SESN3: variants seen among roughly 807,000 people sequenced by gnomAD.
SESN3 encodes the protein sestrin-3.
In SESN3, 21 loss-of-function variants were observed where a neutral mutation model predicts 55.3. That is an observed-to-expected ratio of 0.38 (90% CI 0.27 to 0.55). SESN3 has a LOEUF of 0.55. Among genes scored for constraint, SESN3 ranks in the 20% least tolerant of loss-of-function variants. The pLI is 0.76. For synonymous variants in SESN3, 181 were observed against 203.1 expected (o/e 0.89, Z 0.93); for missense variants, 408 against 604.3 (o/e 0.68, Z 3.41).
Position 95,169,194 on chromosome 11 carries a change from G to C in SESN3, c.*4061C>G, listed in dbSNP as rs1859805083. 1 of 152,282 alleles carries C rather than the reference G, an allele frequency of 6.6e-6. No homozygotes were observed. The highest frequency in any genetic ancestry group is 2.1e-4 in the South Asian group (1 of 4,828). The allele number at this position is 152,282 out of a possible 1,614,324, so 9.4% of individuals were successfully genotyped here. On this transcript the variant is annotated 3_prime_UTR_variant, in exon 10 of 10. Coordinates refer to ENST00000536441, the MANE Select transcript of SESN3 (RefSeq NM_144665.4). ...AGTGGGCATATAAGTTCTGTTGACT[G>C]AGATAAATACATTCATGTTACAGTA... is the stretch of plus-strand genomic sequence containing the variant.
Position 95,230,460 on chromosome 11 carries a change from C to A in SESN3, c.78+323G>T. ...GGAGGAGGATCGAACGGATCCCTCC[C>A]GCCCTCCGCCCAAGGAGCCGACCCG... On this transcript the variant is annotated intron_variant, in intron 1 of 9. Coordinates refer to ENST00000536441, the MANE Select transcript of SESN3 (RefSeq NM_144665.4). The surrounding 1 kb of genome is among the most constrained non-coding windows in gnomAD (Gnocchi z 4.6). 3.1e-6 allele frequency: 1 copy of A among 321,010 alleles called. No homozygotes were observed. The highest frequency in any genetic ancestry group is 5.8e-6 in the Non-Finnish European group (1 of 172,784). The allele number at this position is 321,010 out of a possible 1,614,324, so 19.9% of individuals were successfully genotyped here.
chr11:95,190,133 A>G (rs1860239464), intron 3 of SESN3, among the ~76,000 whole-genome samples, 172 bp from the exon 4 acceptor site: 1 of 151,974 alleles, frequency 6.6e-6, no homozygotes. Context: ...GATTCAATAC[A>G]TGAAGCTGAT....
rs778342525 is a variant in SESN3, at chr11:95,185,321, A to T, written c.697T>A (p.Cys233Ser). Residue 233 changes from cysteine to serine, a missense_variant, in exon 5 of 10, where the codon TGC becomes AGC. Around this residue, in one of 4 missense-constraint regions of SESN3, gnomAD observed 119 missense variants for 139.9 expected, o/e 0.85. Transcript: ENST00000536441. ...TTGTCATTAGCAAGATCACAAACGC[A>T]GAAATTGTTGACTGATATTAGCCTG... ...GFRLISVNNF[C>S]VCDLANDNNI... The T allele has an allele frequency of 1.9e-6, 3 of 1,612,978 alleles. No individual in the cohort carries two copies. The highest frequency in any genetic ancestry group is 1.3e-5 in the African/African-American group (1 of 74,710).
rs781304580 is a variant in SESN3 at position 95,173,118 on chromosome 11, CAAAA to C, written c.*133_*136del. On this transcript the variant is annotated 3_prime_UTR_variant, in exon 10 of 10. Coordinates refer to ENST00000536441, the MANE Select transcript of SESN3 (RefSeq NM_144665.4). Reference sequence around the variant, plus strand: ...CATTGCACATTACAGCCGCAAAAAACAAAAAAAAAAAAACAAACGGCTAAACTTT... The same window carrying C: ...CATTGCACATTACAGCCGCAAAAAACAAAAAAAAACAAACGGCTAAACTTT... The C allele has an allele frequency of 2.4e-6, 1 of 417,058 alleles. No individual in the cohort carries two copies. Among genetic ancestry groups the C allele is most frequent in the Non-Finnish European group, 4.3e-6 (1 of 232,664 alleles). 25.8% of individuals were successfully genotyped at this position (417,058 alleles called of 1,614,324 possible). A position where few individuals can be genotyped will look rare whatever the true frequency, so the allele number is the denominator to read the frequency against.
chr11:95,174,926 C>T (rs1416355129), intron 9 of SESN3, among the ~76,000 whole-genome samples: 1 of 151,994 alleles, frequency 6.6e-6, no homozygotes, highest in African/African-American at 2.4e-5. Context: ...CTGATATCTT[C>T]AAAGCACATT....
rs527750718 is a variant in SESN3, at chr11:95,179,655, G to A, written c.938-827C>T. On this transcript the variant is annotated intron_variant, in intron 6 of 9. Coordinates refer to ENST00000536441, the MANE Select transcript of SESN3 (RefSeq NM_144665.4). ...CAGAAAGGACACTCAGTGGGGAGGA[G>A]AGCAGAGTTTTTGATGTCGTTATCA... is the stretch of plus-strand genomic sequence containing the variant. 5.3e-5 allele frequency among the ~76,000 whole-genome samples: 8 copies of A among 152,252 alleles called. No homozygotes were observed. The South Asian group carries it at 1.4e-3, about 28-fold the overall frequency.
Position 95,231,176 on chromosome 11 carries a change from A to G in SESN3, c.-316T>C, listed in dbSNP as rs1366056730. 20 of 264,586 alleles carry G rather than the reference A, an allele frequency of 7.6e-5. No individual in the cohort carries two copies. Among genetic ancestry groups the G allele is most frequent in the African/African-American group, 1.5e-4 (5 of 34,244 alleles). The allele number at this position is 264,586 out of a possible 1,614,324, so 16.4% of individuals were successfully genotyped here. A position where few individuals can be genotyped will look rare whatever the true frequency, so the allele number is the denominator to read the frequency against. On this transcript the variant is annotated 5_prime_UTR_variant, in exon 1 of 10. Transcript: ENST00000536441. ...AGCAGCCGCCACCGCTGCCACCGCC[A>G]CCACCGCCGCCGCAGCGCCTCAGTG...
At chr11:95,231,538 A>C, upstream of SESN3, 1 of 163,084 alleles carries the variant, frequency 6.1e-6, no homozygotes, top group African/African-American at 2.4e-5. Flanking sequence ...CCCCCAAGAT[A>C]AGCTACGCCC....
At chr11:95,176,570 A>G (rs771155561) in intron 8 of SESN3, among the ~76,000 whole-genome samples, 38 of 152,230 alleles carry the variant, frequency 2.5e-4, no homozygotes, top group Admixed American at 7.2e-4. Flanking sequence ...ATGGGCACAG[A>G]TGTAGACAGG....
At chr11:95,231,882 T>TA (rs1406220035), upstream of SESN3, 2 of 152,142 alleles carry the variant, frequency 1.3e-5, no homozygotes, top group Non-Finnish European at 2.9e-5. Context: ...ATGTCTGAGT[T>TA]ATATATATAT....
At chr11:95,210,207 G>A (rs1016462816) in intron 1 of SESN3, among the ~76,000 whole-genome samples, 2 of 151,182 alleles carry the variant, frequency 1.3e-5, no homozygotes, top group Non-Finnish European at 2.9e-5. Context: ...TCATACACCG[G>A]AGCCTGTAGG....
upstream of SESN3, chr11:95,232,367 C>T (rs1406822697): frequency 6.6e-6 from 1 of 152,236 alleles, no homozygotes; most frequent in Admixed American, 6.5e-5. Flanking sequence ...CGAGTGAGAA[C>T]AAAGGCCGGC....
At chr11:95,178,898 A>G in intron 6 of SESN3, 70 bp from the exon 7 acceptor site, 1 of 827,732 alleles carries the variant, frequency 1.2e-6, no homozygotes, top group Admixed American at 2.0e-5. Context: ...ACGGAACTCC[A>G]TTTTCTTCCA....
At chr11:95,219,247 A>C (rs986046513) in intron 1 of SESN3, among the ~76,000 whole-genome samples, 1 of 152,224 alleles carries the variant, frequency 6.6e-6, no homozygotes, top group Non-Finnish European at 1.5e-5. Flanking sequence ...GTTTTGATAA[A>C]ATAATTTGAA....
chr11:95,177,235 T>A (rs1859974788), intron 8 of SESN3, among the ~76,000 whole-genome samples: 1 of 152,198 alleles, frequency 6.6e-6, no homozygotes, highest in South Asian at 2.1e-4. Flanking sequence ...TTATATTGGC[T>A]GATATATTTA....
chr11:95,209,224 G>GA (rs1218197497), intron 1 of SESN3, among the ~76,000 whole-genome samples: 4 of 150,928 alleles, frequency 2.7e-5, no homozygotes, highest in South Asian at 4.3e-4. Context: ...AAATGTACAA[G>GA]AAAAAAACAA....
intron 6 of SESN3, among the ~76,000 whole-genome samples, chr11:95,180,580 T>G (rs1193632668): frequency 6.6e-6 from 1 of 152,158 alleles, no homozygotes; most frequent in African/African-American, 2.4e-5. Flanking sequence ...TTACTATCTA[T>G]TTTTTGTTTC....
upstream of SESN3, chr11:95,232,460 G>C (rs1025230679): frequency 6.6e-6 from 1 of 152,316 alleles, no homozygotes; most frequent in Non-Finnish European, 1.5e-5. Context: ...TACTGGCAAG[G>C]AGCTCTGTGC....
rs1220530450 is a variant in SESN3, at chr11:95,230,028, T to C, written c.78+755A>G. 6.6e-6 allele frequency among the ~76,000 whole-genome samples: 1 copy of C among 152,020 alleles called. No individual in the cohort carries two copies. Among genetic ancestry groups the C allele is most frequent in the Non-Finnish European group, 1.5e-5 (1 of 68,008 alleles). On this transcript the variant is annotated intron_variant, in intron 1 of 9. Transcript: ENST00000536441. The surrounding 1 kb of genome is among the most constrained non-coding windows in gnomAD (Gnocchi z 4.6). ...AGCTAAACAATACTGGAGTAAACTT[T>C]CTATCAGTCACTCTAGGAAGCAGCA... is the stretch of plus-strand genomic sequence containing the variant.
Sources: gnomAD v4.1 joint callset for allele counts (sites outside exome capture counted in the v4.1 genomes callset) on GRCh38, gnomAD v4.1.1 for gene constraint, gnomAD v4.1.1 regional missense constraint, Gnocchi (gnomAD v3.1) non-coding constraint, MANE v1.5 for transcripts, NCBI Gene and HGNC (gene_info 2026-07-23, HGNC 2026-07-21) for gene names.